The following TOX variants were observed in gnomAD, a reference collection of about 807,000 sequenced individuals.
The protein encoded by TOX is thymocyte selection associated high mobility group box.
In TOX, 11 loss-of-function variants were observed where a neutral mutation model predicts 53.7. The observed-to-expected ratio is 0.20, with a 90% CI of 0.13 to 0.34. The LOEUF (loss-of-function observed/expected upper bound fraction) is 0.34, where lower values mean the gene tolerates loss of function less well. TOX is among the 10% of genes least tolerant of loss of function. The probability of loss-of-function intolerance (pLI) is 1.00; values close to 1 mark genes in which losing one functional copy is unlikely to be tolerated. For synonymous variants in TOX, 225 were observed against 245.3 expected, an observed-to-expected ratio of 0.92 and a Z score of 0.77; for missense variants, 570 against 664.6, an observed-to-expected ratio of 0.86 and a Z score of 1.56.
intron 5 of TOX, among the ~76,000 whole-genome samples, chr8:58,837,179 G>T (rs1003831576): frequency 3.3e-5 from 5 of 152,102 alleles, no homozygotes; most frequent in African/African-American, 1.2e-4. Context: ...AAAGATTGGT[G>T]TCTCTAATTA....
At chr8:58,949,948 G>A (rs1485747975) in intron 2 of TOX, among the ~76,000 whole-genome samples, 3 of 119,712 alleles carry the variant, frequency 2.5e-5, no homozygotes, top group African/African-American at 9.3e-5. Flanking sequence ...ATATACACGT[G>A]TAATATACAA....
intron 1 of TOX, among the ~76,000 whole-genome samples, chr8:58,961,249 GTAAA>G (rs1330737935): frequency 1.3e-5 from 2 of 152,106 alleles, no homozygotes; most frequent in Non-Finnish European, 2.9e-5. Flanking sequence ...AACATAAGCT[GTAAA>G]TAAAGACCTC....
intron 6 of TOX, among the ~76,000 whole-genome samples, chr8:58,821,525 A>G (rs965238762): frequency 6.6e-6 from 1 of 152,118 alleles, no homozygotes; most frequent in Non-Finnish European, 1.5e-5. Flanking sequence ...TCTAGGTCCA[A>G]TGTTGTACAG....
intron 2 of TOX, among the ~76,000 whole-genome samples, chr8:58,953,323 G>T (rs938643692): frequency 1.3e-5 from 2 of 152,140 alleles, no homozygotes; most frequent in Non-Finnish European, 2.9e-5. Flanking sequence ...TAAGAAATAT[G>T]TGAGCTATTT....
chr8:58,822,653 G>A (rs963025858), intron 6 of TOX, among the ~76,000 whole-genome samples: 1 of 152,208 alleles, frequency 6.6e-6, no homozygotes, highest in Non-Finnish European at 1.5e-5. Context: ...AGCAGAGTGG[G>A]CAGTCGGCTG....
intron 1 of TOX, among the ~76,000 whole-genome samples, chr8:59,086,346 C>T (rs961215035): frequency 1.3e-5 from 2 of 152,096 alleles, no homozygotes; most frequent in Non-Finnish European, 2.9e-5. Context: ...ATGAGGAGCA[C>T]ATTATTCCAC....
chr8:58,809,176 T>C (rs1165478652), intron 7 of TOX, among the ~76,000 whole-genome samples: 6 of 152,216 alleles, frequency 3.9e-5, no homozygotes, highest in Non-Finnish European at 8.8e-5. Flanking sequence ...AAAGGCAACT[T>C]AATTAATCTC....
intron 1 of TOX, among the ~76,000 whole-genome samples, chr8:59,005,188 G>A (rs1341833286): frequency 7.2e-5 from 11 of 152,008 alleles, no homozygotes; most frequent in Admixed American, 1.3e-4. Flanking sequence ...ACAGGTGCCC[G>A]CCACCAAGCC....
intron 3 of TOX, among the ~76,000 whole-genome samples, chr8:58,854,913 T>C (rs971972800): frequency 6.6e-6 from 1 of 152,184 alleles, no homozygotes; most frequent in Non-Finnish European, 1.5e-5. Context: ...GTTTGATTAC[T>C]GAAAATATGA....
At chr8:58,998,623 A>AAATTTATATGTAATAAATTTATGTAAT (rs1304658988) in intron 1 of TOX, among the ~76,000 whole-genome samples, 4 of 143,582 alleles carry the variant, frequency 2.8e-5, no homozygotes, top group Non-Finnish European at 6.1e-5. Flanking sequence ...TTTATATAAT[A>AAATTTATATGTAATAAATTTATGTAAT]ATATATTTTA....
chr8:58,807,595 C>T lies in TOX; in HGVS notation c.*152G>A. On this transcript the variant is annotated 3_prime_UTR_variant, in exon 9 of 9. Transcript: ENST00000361421. ...TAATAAAGAAGCATGACTATTTCTT[C>T]CAGAGTGGGTGACCCACAAGCTCAA... is the stretch of plus-strand genomic sequence containing the variant. 1.4e-6 allele frequency: 1 copy of T among 699,450 alleles called. No individual in the cohort carries two copies. The highest frequency in any genetic ancestry group is 2.7e-5 in the East Asian group (1 of 36,978). The allele number at this position is 699,450 out of a possible 1,614,324, so 43.3% of individuals were successfully genotyped here. A position where few individuals can be genotyped will look rare whatever the true frequency, so the allele number is the denominator to read the frequency against.
intron 3 of TOX, among the ~76,000 whole-genome samples, chr8:58,918,903 C>T (rs1339760151): frequency 3.3e-5 from 5 of 151,868 alleles, no homozygotes; most frequent in African/African-American, 1.2e-4. Flanking sequence ...CATTCTTATA[C>T]ACCAACAACC....
At chr8:59,106,603 C>A (rs1285615184) in intron 1 of TOX, among the ~76,000 whole-genome samples, 1 of 152,074 alleles carries the variant, frequency 6.6e-6, no homozygotes, top group Non-Finnish European at 1.5e-5. Flanking sequence ...CATTTTTTGG[C>A]ACGGCTGACC....
intron 1 of TOX, among the ~76,000 whole-genome samples, chr8:59,108,331 G>C (rs1403943983): frequency 2.0e-5 from 3 of 152,168 alleles, no homozygotes; most frequent in African/African-American, 7.2e-5. Context: ...CAATGAAAAT[G>C]GTGCAGGGCT....
chr8:59,049,232 T>C (rs762041820), intron 1 of TOX, among the ~76,000 whole-genome samples: 16 of 152,272 alleles, frequency 1.1e-4, no homozygotes, highest in Middle Eastern at 6.8e-3. Context: ...AGTTAATTAA[T>C]CATTCAATTG....
intron 3 of TOX, among the ~76,000 whole-genome samples, chr8:58,921,413 A>G (rs752656152): frequency 4.5e-4 from 68 of 152,236 alleles, no homozygotes; most frequent in Non-Finnish European, 8.8e-4. Context: ...ACAGATCTAT[A>G]TGACAATTTG....
At chr8:58,928,035 A>C (rs945782249) in intron 3 of TOX, among the ~76,000 whole-genome samples, 2 of 152,206 alleles carry the variant, frequency 1.3e-5, no homozygotes, top group Admixed American at 1.3e-4. Flanking sequence ...GAAGTGTTCC[A>C]TATTTGAGAA....
chr8:59,070,374 A>G (rs1022836894), intron 1 of TOX, among the ~76,000 whole-genome samples: 2 of 152,058 alleles, frequency 1.3e-5, no homozygotes, highest in Admixed American at 6.6e-5. Flanking sequence ...ACCTGGGAAC[A>G]TGCAAACCTC....
chr8:59,039,556 A>C (rs1289855145), intron 1 of TOX, among the ~76,000 whole-genome samples: 2 of 152,174 alleles, frequency 1.3e-5, no homozygotes, highest in African/African-American at 2.4e-5. Context: ...GCTGATTTTC[A>C]TGAATGCTCC....
Sources: allele counts gnomAD v4.1 joint callset (sites outside exome capture counted in the v4.1 genomes callset), GRCh38; gene constraint gnomAD v4.1.1; transcripts MANE v1.5; gene names NCBI Gene and HGNC (gene_info 2026-07-23, HGNC 2026-07-21).